The following RABGEF1 variants were observed in gnomAD, a reference collection of about 807,000 sequenced individuals.
RABGEF1 encodes rab5 GDP/GTP exchange factor.
In RABGEF1, 26 loss-of-function variants were observed where a neutral mutation model predicts 57.3. The observed-to-expected ratio is 0.45, with a 90% CI of 0.33 to 0.63. RABGEF1 has a LOEUF of 0.63. RABGEF1 is among the 20% of genes least tolerant of loss of function. RABGEF1 has a pLI of 0.02. For synonymous variants in RABGEF1, 185 were observed against 210.7 expected, an observed-to-expected ratio of 0.88 and a Z score of 1.06; for missense variants, 464 against 607.6, an observed-to-expected ratio of 0.76 and a Z score of 2.48.
At chr7:66,746,857 A>G (rs1006490887) in intron 1 of RABGEF1, among the ~76,000 whole-genome samples, 11 of 151,502 alleles carry the variant, frequency 7.3e-5, no homozygotes, top group Admixed American at 2.6e-4. Flanking sequence ...CAATAGTGCG[A>G]TCTTGGCTTA....
chr7:66,809,075 C>A lies in RABGEF1; in HGVS notation c.1267C>A (p.Arg423=). 3 of 1,613,884 alleles carry A rather than the reference C, an allele frequency of 1.9e-6. No homozygotes were observed. Among genetic ancestry groups the A allele is most frequent in the South Asian group, 2.2e-5 (2 of 91,068 alleles). The change falls in exon 9 of 9, where the codon CGA becomes AGA. Residue 423 remains arginine (R), a synonymous_variant. Transcript: ENST00000284957. ...NLDLLSQLNE[R]QERIMNEAKK... The stretch of plus-strand genomic sequence containing the variant: ...GGATCTCTTGTCTCAGTTGAATGAA[C>A]GACAAGAAAGGATCATGAATGAAGC...
At chr7:66,791,187 G>A (rs1183292837) in intron 4 of RABGEF1, among the ~76,000 whole-genome samples, 1 of 152,158 alleles carries the variant, frequency 6.6e-6, no homozygotes, top group Non-Finnish European at 1.5e-5. Flanking sequence ...TTTGTTTTTG[G>A]AGATGCAAAA....
At chr7:66,673,890 GA>G in the RABGEF1 span, among the ~76,000 whole-genome samples, 2 of 151,700 alleles carry the variant, frequency 1.3e-5, no homozygotes, top group South Asian at 2.1e-4. Flanking sequence ...TAAAAAAGAA[GA>G]AAAAAAATCT....
chr7:66,747,492 C>T (rs938255335), intron 1 of RABGEF1, among the ~76,000 whole-genome samples: 1 of 152,098 alleles, frequency 6.6e-6, no homozygotes, highest in African/African-American at 2.4e-5. Flanking sequence ...AAATACACAA[C>T]TGTAATTGAA....
At chr7:66,703,450 T>C (rs1793587647) in intron 1 of RABGEF1, among the ~76,000 whole-genome samples, 1 of 152,242 alleles carries the variant, frequency 6.6e-6, no homozygotes, top group Non-Finnish European at 1.5e-5. Context: ...TTATCCATTT[T>C]GAATTATGAT....
At chr7:66,682,810 TGA>T (rs1789983638) in intron 1 of RABGEF1, among the ~76,000 whole-genome samples, 1 of 152,136 alleles carries the variant, frequency 6.6e-6, no homozygotes, top group African/African-American at 2.4e-5. Context: ...ACCCCGTGGC[TGA>T]GGGCGAGGCT....
At chr7:66,755,387 G>A (rs1372348260) in intron 1 of RABGEF1, among the ~76,000 whole-genome samples, 1 of 152,074 alleles carries the variant, frequency 6.6e-6, no homozygotes, top group Admixed American at 6.6e-5. Flanking sequence ...AGGTGGAGAG[G>A]ATCACTTGAG....
intron 2 of RABGEF1, among the ~76,000 whole-genome samples, chr7:66,730,957 C>T (rs1239255264): frequency 1.3e-5 from 2 of 152,040 alleles, no homozygotes; most frequent in Non-Finnish European, 2.9e-5. Flanking sequence ...GGGGTGGATT[C>T]GGGGAGAATT....
rs554404110 is a variant in RABGEF1, at chr7:66,746,856, G to A, written c.-18+6064G>A. On this transcript the variant is annotated intron_variant, in intron 1 of 8. Transcript: ENST00000284957. ...TGCCCAGGCTGGAGTGCAATAGTGCGATCTTGGCTTACTACAACCTCTGCC... is the reference window on the plus strand; with the variant it reads ...TGCCCAGGCTGGAGTGCAATAGTGCAATCTTGGCTTACTACAACCTCTGCC... Among the ~76,000 whole-genome samples the A allele has an allele frequency of 3.3e-5, 5 of 151,894 alleles. No homozygotes were observed. In the South Asian group the frequency reaches 6.2e-4, roughly 19 times the overall value.
intron 1 of RABGEF1, among the ~76,000 whole-genome samples, chr7:66,742,063 A>G (rs918369175): frequency 1.8e-4 from 27 of 152,144 alleles, no homozygotes; most frequent in Admixed American, 3.9e-4. Context: ...AGGCAGGAGA[A>G]TGGCATGAAC....
At chr7:66,691,913 A>C (rs1584681856) in intron 1 of RABGEF1, among the ~76,000 whole-genome samples, 1 of 151,926 alleles carries the variant, frequency 6.6e-6, no homozygotes, top group African/African-American at 2.4e-5. Context: ...AAAAATTAGT[A>C]AAGTGTGCTG....
intron 1 of RABGEF1, among the ~76,000 whole-genome samples, chr7:66,761,279 C>T (rs1216149550): frequency 6.6e-6 from 1 of 152,148 alleles, no homozygotes; most frequent in African/African-American, 2.4e-5. Flanking sequence ...CCCATGAGTG[C>T]CCCTCCTAAC....
chr7:66,769,099 G>A (rs1054505898), intron 1 of RABGEF1: 5 of 152,348 alleles, frequency 3.3e-5, no homozygotes, highest in East Asian at 3.8e-4. Flanking sequence ...CCAAACTAGA[G>A]GAGCTTTCTC....
At chr7:66,779,340 C>T (rs1809308166) in intron 3 of RABGEF1, among the ~76,000 whole-genome samples, 1 of 151,192 alleles carries the variant, frequency 6.6e-6, no homozygotes, top group Non-Finnish European at 1.5e-5. Context: ...CCTGTCTCTA[C>T]TAAAAATACA....
chr7:66,758,073 A>G (rs1803233590), intron 1 of RABGEF1, among the ~76,000 whole-genome samples: 1 of 152,090 alleles, frequency 6.6e-6, no homozygotes, highest in Non-Finnish European at 1.5e-5. Flanking sequence ...ACTAGAATTG[A>G]TTGGATGTTT....
chr7:66,797,443 A>G lies in RABGEF1; in HGVS notation c.665A>G (p.Tyr222Cys), dbSNP rs747804702. The change falls in exon 6 of 9, where the codon TAT becomes TGT. Residue 222 changes from tyrosine (Y) to cysteine (C), a missense_variant. Physicochemically the swap from Tyr to Cys is radical, Grantham distance 194 (BLOSUM62 -2). Transcript: ENST00000284957. ...TACATCATGACTCGTCTCTATAAAT[A>G]TGTATTCTGTCCAGAAACTACTGAT... The part of the protein sequence containing the change: ...EKYIMTRLYK[Y>C]VFCPETTDDE... 1.9e-6 allele frequency: 3 copies of G among 1,611,746 alleles called. No homozygotes were observed. The highest frequency in any genetic ancestry group is 2.5e-6 in the Non-Finnish European group (3 of 1,179,738).
intron 4 of RABGEF1, among the ~76,000 whole-genome samples, chr7:66,794,586 A>G (rs539643563): frequency 2.0e-5 from 3 of 152,342 alleles, no homozygotes; most frequent in East Asian, 1.9e-4. Flanking sequence ...ATCAAGCCCA[A>G]TGTTGTAAGG....
At chr7:66,799,449 T>C in intron 7 of RABGEF1, 35 bp downstream of exon 7, 2 of 1,494,586 alleles carry the variant, frequency 1.3e-6, no homozygotes, top group South Asian at 2.3e-5. Context: ...ATTGGGATGT[T>C]TTCCCCTTAA....
intron 2 of RABGEF1, 125 bp from the exon 3 acceptor site, chr7:66,775,101 AT>A: frequency 3.0e-6 from 3 of 1,003,808 alleles, no homozygotes; most frequent in East Asian, 2.6e-5. Context: ...CCTCAGACTG[AT>A]TTGGCATATT....
Sources: gnomAD v4.1 joint callset for allele counts (sites outside exome capture counted in the v4.1 genomes callset) on GRCh38, gnomAD v4.1.1 for gene constraint, MANE v1.5 for transcripts, NCBI Gene and HGNC (gene_info 2026-07-23, HGNC 2026-07-21) for gene names.